Variants in NLGN1 observed in about 807,000 individuals in gnomAD.
NLGN1 encodes the protein neuroligin-1.
NLGN1 carries 12 observed loss-of-function variants against 65.5 expected under a neutral mutation model. The observed-to-expected ratio is 0.18, with a 90% CI of 0.12 to 0.30. NLGN1 has a LOEUF of 0.30. NLGN1 is among the 10% of genes least tolerant of loss of function. NLGN1 has a pLI of 1.00. For synonymous variants in NLGN1, 350 were observed against 359.5 expected (o/e 0.97, Z 0.30); for missense variants, 750 against 1,007.1 (o/e 0.74, Z 3.46).
At chr3:173,636,464 T>C (rs1211266032) in intron 3 of NLGN1, among the ~76,000 whole-genome samples, 1 of 152,198 alleles carries the variant, frequency 6.6e-6, no homozygotes, top group Non-Finnish European at 1.5e-5. Flanking sequence ...TGATGACATT[T>C]CTGTCTCTCT....
chr3:173,497,890 CT>C (rs1730304434), intron 2 of NLGN1, among the ~76,000 whole-genome samples: 1 of 151,648 alleles, frequency 6.6e-6, no homozygotes, highest in African/African-American at 2.4e-5. Flanking sequence ...CAATAAATAT[CT>C]TTATATATAT....
chr3:173,624,607 G>A (rs1457807254), intron 3 of NLGN1, among the ~76,000 whole-genome samples: 1 of 152,002 alleles, frequency 6.6e-6, no homozygotes, highest in Non-Finnish European at 1.5e-5. Context: ...ATATGATATT[G>A]TATATCTTAG....
chr3:173,771,179 C>T (rs1222605663), intron 3 of NLGN1, among the ~76,000 whole-genome samples: 1 of 152,124 alleles, frequency 6.6e-6, no homozygotes, highest in Non-Finnish European at 1.5e-5. Context: ...ATTTTAATCA[C>T]CCTGATTTAA....
At chr3:173,494,198 G>A (rs753735957) in intron 2 of NLGN1, among the ~76,000 whole-genome samples, 1 of 150,516 alleles carries the variant, frequency 6.6e-6, no homozygotes, top group Non-Finnish European at 1.5e-5. Flanking sequence ...TTCTGTTGTT[G>A]GTATTGTTCT....
chr3:174,164,345 A>G (rs975287826), intron 4 of NLGN1, among the ~76,000 whole-genome samples: 3 of 151,938 alleles, frequency 2.0e-5, no homozygotes, highest in African/African-American at 4.8e-5. Context: ...TGTCAGATGC[A>G]TAGTTTACAA....
intron 4 of NLGN1, among the ~76,000 whole-genome samples, chr3:174,133,712 G>A (rs909289188): frequency 6.6e-6 from 1 of 151,958 alleles, no homozygotes; most frequent in African/African-American, 2.4e-5. Flanking sequence ...GAGCAAACTC[G>A]CACACTTCCC....
At chr3:173,933,967 A>G (rs1418381675) in intron 4 of NLGN1, among the ~76,000 whole-genome samples, 1 of 151,888 alleles carries the variant, frequency 6.6e-6, no homozygotes, top group Non-Finnish European at 1.5e-5. Flanking sequence ...AATAATAAAG[A>G]AATATTCCTC....
intron 2 of NLGN1, among the ~76,000 whole-genome samples, chr3:173,452,188 G>A (rs1248048502): frequency 6.6e-6 from 1 of 150,610 alleles, no homozygotes; most frequent in East Asian, 2.0e-4. Context: ...TTCCTATTCG[G>A]CCATCTTGGC....
rs79527920 is a variant in NLGN1 at position 173,813,571 on chromosome 3, T to C, written c.646+5739T>C. On this transcript the variant is annotated intron_variant, in intron 4 of 6. Transcript: ENST00000457714. ...AAGACAGTCTTTATTTCTATTTTCATTTATTCATACTAATTTGAAAAAGTG... is the reference window on the plus strand; with the variant it reads ...AAGACAGTCTTTATTTCTATTTTCACTTATTCATACTAATTTGAAAAAGTG... 7.8e-3 allele frequency among the ~76,000 whole-genome samples: 1,191 copies of C among 152,292 alleles called. 20 individuals carry two copies. Among genetic ancestry groups the C allele is most frequent in the African/African-American group, 0.026 (1,077 of 41,564 alleles).
chr3:173,477,798 C>A (rs1726504192), intron 2 of NLGN1, among the ~76,000 whole-genome samples: 1 of 151,950 alleles, frequency 6.6e-6, no homozygotes, highest in Non-Finnish European at 1.5e-5. Context: ...CTGTTCATGT[C>A]CTTTGCCCAC....
chr3:174,003,338 A>G lies in NLGN1; in HGVS notation c.646+195506A>G, dbSNP rs147478479. Among the ~76,000 whole-genome samples the G allele has an allele frequency of 9.0e-4, 137 of 152,272 alleles. 1 individual carries two copies. In the East Asian group the frequency reaches 0.023, roughly 26 times the overall value. On this transcript the variant is annotated intron_variant, in intron 4 of 6. Coordinates refer to ENST00000457714, the Ensembl canonical transcript of NLGN1. ...TTGATAGCTTCACTGAAGCAAAGTTATTAAATCCTTGTCAGTTAATGAGTG... is the reference window on the plus strand; with the variant it reads ...TTGATAGCTTCACTGAAGCAAAGTTGTTAAATCCTTGTCAGTTAATGAGTG...
exon 3 of NLGN1, chr3:173,604,535 C>G (rs1751057107): frequency 6.4e-7 from 1 of 1,556,478 alleles, no homozygotes; most frequent in Admixed American, 1.7e-5. Flanking sequence ...TACAGTCTTT[C>G]TCAAGTGGAT....
At chr3:174,257,883 G>A (rs12696351) in intron 4 of NLGN1, among the ~76,000 whole-genome samples, 33,712 of 149,740 alleles carry the variant, frequency 0.23, 4,061 homozygotes, top group East Asian at 0.53. Flanking sequence ...GATGATCTGC[G>A]CAGCAACTTT....
At chr3:173,839,699 G>A (rs768708330) in intron 4 of NLGN1, among the ~76,000 whole-genome samples, 4 of 152,070 alleles carry the variant, frequency 2.6e-5, no homozygotes, top group Admixed American at 6.5e-5. Context: ...GGGATTACAG[G>A]CGTGAGCCGC....
At chr3:173,568,197 TCTTTC>T (rs138776975) in intron 2 of NLGN1, among the ~76,000 whole-genome samples, 22,393 of 150,476 alleles carry the variant, frequency 0.15, 1,693 homozygotes, top group East Asian at 0.33. Flanking sequence ...CCTTTTCTTT[TCTTTC>T]CTTTCCTTTC....
intron 4 of NLGN1, among the ~76,000 whole-genome samples, chr3:174,060,418 A>G (rs1737138347): frequency 2.0e-5 from 3 of 152,018 alleles, no homozygotes; most frequent in African/African-American, 4.8e-5. Context: ...AAAACTGTGA[A>G]AAGAAGAACC....
chr3:173,877,822 A>G (rs1732426882), intron 4 of NLGN1, among the ~76,000 whole-genome samples: 1 of 152,218 alleles, frequency 6.6e-6, no homozygotes, highest in Non-Finnish European at 1.5e-5. Flanking sequence ...ATATTGACTT[A>G]TATAATTTCT....
intron 4 of NLGN1, among the ~76,000 whole-genome samples, chr3:174,232,033 C>T (rs1577479172): frequency 1.3e-5 from 2 of 152,274 alleles, no homozygotes; most frequent in East Asian, 1.9e-4. Flanking sequence ...AGCTTTCATG[C>T]GCGTCTGTGT....
intron 4 of NLGN1, among the ~76,000 whole-genome samples, chr3:174,145,985 G>T (rs1723148055): frequency 6.6e-6 from 1 of 152,194 alleles, no homozygotes; most frequent in Non-Finnish European, 1.5e-5. Flanking sequence ...ACTTGTGCCT[G>T]CTCACACGCA....
Sources: gnomAD v4.1 joint callset for allele counts (sites outside exome capture counted in the v4.1 genomes callset) on GRCh38, gnomAD v4.1.1 for gene constraint, MANE v1.5 for transcripts, NCBI Gene and HGNC (gene_info 2026-07-23, HGNC 2026-07-21) for gene names.